Variants in HTT observed in about 807,000 individuals in gnomAD.
HTT encodes the protein huntingtin.
In HTT, 104 loss-of-function variants were observed where a neutral mutation model predicts 362.3. That is an observed-to-expected ratio of 0.29 (90% CI 0.24 to 0.34). HTT has a LOEUF of 0.34. Ranked by LOEUF, HTT falls within the 10% of genes least tolerant of loss-of-function variation. The pLI, the probability that HTT is intolerant of heterozygous loss-of-function variation, is 1.00. For missense variants in HTT, 3,301 were observed against 3,928.6 expected (o/e 0.84, Z 4.27); for synonymous variants, 1,577 against 1,548.7 (o/e 1.02, Z -0.43).
intron 41 of HTT, among the ~76,000 whole-genome samples, chr4:3,202,848 G>GA (rs1031096533): frequency 4.7e-5 from 7 of 150,064 alleles, no homozygotes; most frequent in African/African-American, 1.2e-4. Flanking sequence ...CCCATCTCCA[G>GA]AAAAAAAAAA....
At position 3,186,526 on chromosome 4, in the gene HTT, A is replaced by T. The variant is rs960709068; in HGVS notation, c.4867-71A>T. ...TTATGATGATTTGCCCTTGAGTTAC[A>T]TAGCTGGTGTACAGGAAGCTGTCGT... On this transcript the variant is annotated intron_variant, in intron 37 of 66. Coordinates refer to ENST00000355072, the MANE Select transcript of HTT (RefSeq NM_001388492.1). 6.4e-6 allele frequency: 10 copies of T among 1,557,110 alleles called. No homozygotes were observed. The Admixed American group carries it at 1.7e-4, about 27-fold the overall frequency.
At chr4:3,172,466 T>C in intron 30 of HTT, 69 bp downstream of exon 30, 1 of 993,130 alleles carries the variant, frequency 1.0e-6, no homozygotes, top group Admixed American at 1.7e-5. Flanking sequence ...TGCTACTCCT[T>C]AAGAGGCAGG....
intron 1 of HTT, among the ~76,000 whole-genome samples, chr4:3,079,852 C>CG (rs1234707759): frequency 6.6e-6 from 1 of 152,150 alleles, no homozygotes; most frequent in African/African-American, 2.4e-5. Flanking sequence ...GTCAGGGTAC[C>CG]GGCTGTCGGC....
chr4:3,078,997 C>T (rs192774145), intron 1 of HTT, among the ~76,000 whole-genome samples: 1 of 152,100 alleles, frequency 6.6e-6, no homozygotes, highest in Admixed American at 6.5e-5. Context: ...GTGATCCGCC[C>T]ACCTCGGCCT....
intron 61 of HTT, 29 bp downstream of exon 61, chr4:3,233,382 C>A (rs752073367): frequency 6.4e-7 from 1 of 1,574,056 alleles, no homozygotes; most frequent in Non-Finnish European, 8.7e-7. Flanking sequence ...GGGGCTGGGG[C>A]GGGGGTCTCA....
At chr4:3,231,574 C>T (rs1296394461) in intron 60 of HTT, among the ~76,000 whole-genome samples, 1 of 152,180 alleles carries the variant, frequency 6.6e-6, no homozygotes, top group Non-Finnish European at 1.5e-5. Context: ...CTCTGTCCTC[C>T]CCGAGCCCAA....
At position 3,186,224 on chromosome 4, in the gene HTT, C is replaced by T. The variant is rs188447685; in HGVS notation, c.4867-373C>T. On this transcript the variant is annotated intron_variant, in intron 37 of 66. Transcript: ENST00000355072. Reference sequence around the variant, plus strand: ...AAGAAAAAAAAAAGTGCACACCATCCCATGTATGTGTATACAAAGGGACGC... The same window carrying T: ...AAGAAAAAAAAAAGTGCACACCATCTCATGTATGTGTATACAAAGGGACGC... Among the ~76,000 whole-genome samples, 504 of 152,214 alleles carry T rather than the reference C, an allele frequency of 3.3e-3. 1 individual carries two copies. The highest frequency in any genetic ancestry group is 0.011 in the African/African-American group (466 of 41,530).
At chr4:3,140,347 A>G (rs776085010) in intron 21 of HTT, among the ~76,000 whole-genome samples, 163 bp from the exon 22 acceptor site, 1 of 152,152 alleles carries the variant, frequency 6.6e-6, no homozygotes, top group East Asian at 1.9e-4. Context: ...ATTGGAGACA[A>G]CGCTGTCACG....
At chr4:3,145,389 A>G (rs1296122821) in intron 24 of HTT, among the ~76,000 whole-genome samples, 161 bp downstream of exon 24, 1 of 152,168 alleles carries the variant, frequency 6.6e-6, no homozygotes, top group Non-Finnish European at 1.5e-5. Context: ...TAGCTGTGTG[A>G]GACTAGTGAC....
chr4:3,199,820 C>A lies in HTT; in HGVS notation c.5457C>A (p.Asn1819Lys). 6.2e-7 allele frequency: 1 copy of A among 1,614,222 alleles called. No homozygotes were observed. Among genetic ancestry groups the A allele is most frequent in the Non-Finnish European group, 8.5e-7 (1 of 1,180,040 alleles). Reference protein sequence around the residue: ...GGSFYTLDSLNLRARSMITTH... With the variant: ...GGSFYTLDSLKLRARSMITTH... ...GTTTCTACACCCTGGACAGCTTGAA[C>A]TTGCGGGCTCGTTCCATGATCACCA... Residue 1819 changes from asparagine (N) to lysine (K), a missense_variant, in exon 41 of 67, where the codon AAC (asparagine) becomes AAA (lysine). Physicochemically the swap from Asn to Lys is moderately conservative, Grantham distance 94. Around this residue, in one of 4 missense-constraint regions of HTT, gnomAD observed 2,316 missense variants for 2,658.5 expected, o/e 0.87. Coordinates refer to ENST00000355072, the MANE Select transcript of HTT (RefSeq NM_001388492.1).
chr4:3,174,352 C>T (rs1347431894), intron 31 of HTT, among the ~76,000 whole-genome samples: 2 of 152,126 alleles, frequency 1.3e-5, no homozygotes, highest in East Asian at 1.9e-4. Flanking sequence ...AAAGGCTTGT[C>T]CTCCAAAAAA....
Position 3,206,931 on chromosome 4 carries a change from T to C in HTT, c.6023T>C (p.Val2008Ala). The change falls in exon 44 of 67, where the codon GTC (valine) becomes GCC (alanine). Residue 2008 changes from valine to alanine, a missense_variant. Physicochemically the swap from Val to Ala is moderately conservative, Grantham distance 64 (BLOSUM62 0). Around this residue, in one of 4 missense-constraint regions of HTT, gnomAD observed 2,316 missense variants for 2,658.5 expected, o/e 0.87. Coordinates refer to ENST00000355072, the MANE Select transcript of HTT (RefSeq NM_001388492.1). This position sits in a 1 kb window ranked among gnomAD's most constrained non-coding sequence, Gnocchi z 4.6. ...CCTTTCCGTGTGCTGGCTCGCATGGTCGACATCCTTGCTTGTCGCCGGGTA... is the reference window on the plus strand; with the variant it reads ...CCTTTCCGTGTGCTGGCTCGCATGGCCGACATCCTTGCTTGTCGCCGGGTA... ...CTPFRVLARM[V>A]DILACRRVEM... 6.2e-7 allele frequency: 1 copy of C among 1,613,996 alleles called. No homozygotes were observed. Among genetic ancestry groups the C allele is most frequent in the Non-Finnish European group, 8.5e-7 (1 of 1,179,970 alleles).
intron 2 of HTT, among the ~76,000 whole-genome samples, chr4:3,097,493 G>A (rs1448778998): frequency 1.3e-5 from 2 of 152,114 alleles, no homozygotes. Context: ...TTAGTTGGTC[G>A]TGGTGCTGTG....
At chr4:3,219,315 G>T (rs1380261051) in intron 52 of HTT, among the ~76,000 whole-genome samples, 2 of 152,164 alleles carry the variant, frequency 1.3e-5, no homozygotes, top group African/African-American at 2.4e-5. Flanking sequence ...CGGTCTTGAG[G>T]TCATGCCGTC....
intron 24 of HTT, among the ~76,000 whole-genome samples, chr4:3,145,699 A>G (rs1051870664): frequency 1.1e-4 from 17 of 152,244 alleles, no homozygotes; most frequent in African/African-American, 3.6e-4. Context: ...AATAATTTCA[A>G]GTCTTCTCCA....
intron 50 of HTT, 92 bp from the exon 51 acceptor site, chr4:3,215,018 C>A: frequency 9.3e-7 from 1 of 1,074,314 alleles, no homozygotes; most frequent in Non-Finnish European, 1.4e-6. Context: ...TCCCTTTCAA[C>A]TTTTGTGAGG....
Position 3,228,791 on chromosome 4 carries a change from T to C in HTT, c.7979+46T>C. On this transcript the variant is annotated intron_variant, in intron 58 of 66. Coordinates refer to ENST00000355072, the MANE Select transcript of HTT (RefSeq NM_001388492.1). This position sits in a 1 kb window ranked among gnomAD's most constrained non-coding sequence, Gnocchi z 4.3. ...TTTTTAACAGAAATTTGAAATTTCT[T>C]ATCAGTCATTTGATTTGTTTGAGGT... is the stretch of plus-strand genomic sequence containing the variant. 1.9e-6 allele frequency: 3 copies of C among 1,567,266 alleles called. No homozygotes were observed. The highest frequency in any genetic ancestry group is 2.6e-6 in the Non-Finnish European group (3 of 1,152,836).
At chr4:3,103,491 G>A (rs990695507) in intron 3 of HTT, among the ~76,000 whole-genome samples, 1 of 152,058 alleles carries the variant, frequency 6.6e-6, no homozygotes, top group African/African-American at 2.4e-5. Context: ...CTCCCAAAGT[G>A]CTGGGATTAC....
chr4:3,201,026 A>G (rs1459477547), intron 41 of HTT, among the ~76,000 whole-genome samples: 1 of 152,244 alleles, frequency 6.6e-6, no homozygotes, highest in Non-Finnish European at 1.5e-5. Flanking sequence ...AATTGGAGTA[A>G]CAGAAATGCT....
Sources: allele counts gnomAD v4.1 joint callset (sites outside exome capture counted in the v4.1 genomes callset), GRCh38; gene constraint gnomAD v4.1.1; regional missense constraint gnomAD v4.1.1; non-coding constraint Gnocchi (gnomAD v3.1); transcripts MANE v1.5; gene names NCBI Gene and HGNC (gene_info 2026-07-23, HGNC 2026-07-21).